XKR4: variants seen among roughly 807,000 people sequenced by gnomAD.
XKR4 encodes the protein XK related 4, also known as XK-related protein 4.
In XKR4, 12 loss-of-function variants were observed where a neutral mutation model predicts 53.9. That is an observed-to-expected ratio of 0.22 (90% CI 0.14 to 0.36). The LOEUF is 0.36. Ranked by LOEUF, XKR4 falls within the 10% of genes least tolerant of loss-of-function variation. The pLI is 1.00. For missense variants in XKR4, 799 were observed against 859.5 expected, an observed-to-expected ratio of 0.93 and a Z score of 0.88; for synonymous variants, 354 against 362.4, an observed-to-expected ratio of 0.98 and a Z score of 0.26.
intron 1 of XKR4, among the ~76,000 whole-genome samples, chr8:55,341,432 T>C (rs1379978171): frequency 6.6e-6 from 1 of 152,146 alleles, no homozygotes; most frequent in Admixed American, 6.5e-5. Context: ...CCTCAGGATG[T>C]ACCAGAGTGT....
At chr8:55,438,851 C>G (rs1049859347) in intron 2 of XKR4, among the ~76,000 whole-genome samples, 1 of 152,098 alleles carries the variant, frequency 6.6e-6, no homozygotes, top group Non-Finnish European at 1.5e-5. Flanking sequence ...TCTGGAGCAA[C>G]AAGTATGATG....
intron 1 of XKR4, among the ~76,000 whole-genome samples, chr8:55,265,395 C>G (rs1349838540): frequency 2.0e-5 from 3 of 152,210 alleles, no homozygotes; most frequent in African/African-American, 7.2e-5. Context: ...GTTAAGATCC[C>G]CATGTGGCTC....
chr8:55,511,947 G>A (rs1806631621), intron 2 of XKR4, among the ~76,000 whole-genome samples: 2 of 152,122 alleles, frequency 1.3e-5, no homozygotes, highest in Non-Finnish European at 2.9e-5. Flanking sequence ...GCTCCAGAGG[G>A]GGAGTGGAGT....
chr8:55,518,640 G>A (rs1048201069), intron 2 of XKR4, among the ~76,000 whole-genome samples: 3 of 152,142 alleles, frequency 2.0e-5, no homozygotes, highest in Admixed American at 6.5e-5. Context: ...GTATTTCATC[G>A]TAGGCCCGTG....
At chr8:55,207,005 C>A (rs1015013266) in intron 1 of XKR4, among the ~76,000 whole-genome samples, 1 of 152,228 alleles carries the variant, frequency 6.6e-6, no homozygotes, top group African/African-American at 2.4e-5. Flanking sequence ...CCAGCTGAGT[C>A]CTGTGATCCA....
At chr8:55,408,647 T>C (rs915786947) in intron 2 of XKR4, among the ~76,000 whole-genome samples, 4 of 152,192 alleles carry the variant, frequency 2.6e-5, no homozygotes, top group East Asian at 1.9e-4. Context: ...GTGGCAAAGA[T>C]TGGCAACCAG....
intron 1 of XKR4, among the ~76,000 whole-genome samples, chr8:55,222,345 C>T (rs1585948922): frequency 1.3e-5 from 2 of 152,196 alleles, no homozygotes; most frequent in African/African-American, 2.4e-5. Flanking sequence ...AAAACACTGG[C>T]CACAGCTCAC....
At chr8:55,506,173 A>G (rs1157783452) in intron 2 of XKR4, among the ~76,000 whole-genome samples, 1 of 152,232 alleles carries the variant, frequency 6.6e-6, no homozygotes, top group Non-Finnish European at 1.5e-5. Context: ...CCACGAATGC[A>G]TGAAATGCAA....
At chr8:55,451,082 C>G in intron 2 of XKR4, 1 of 518,152 alleles carries the variant, frequency 1.9e-6, no homozygotes, top group Middle Eastern at 3.9e-4. Flanking sequence ...AGGGGTCCGG[C>G]CGCACATTCT....
rs368301999 is a variant in XKR4 at position 55,507,618 on chromosome 8, G to A, written c.1007-15663G>A. Among the ~76,000 whole-genome samples, 361 of 152,174 alleles carry A rather than the reference G, an allele frequency of 2.4e-3. 4 individuals carry two copies. Among genetic ancestry groups the A allele is most frequent in the African/African-American group, 7.6e-3 (315 of 41,506 alleles). Reference sequence around the variant, plus strand: ...GTGGTATTTGGTTTTTTGTCCTTGCGATAGTTTGCTGAGAATGATGGTTTC... The same window carrying A: ...GTGGTATTTGGTTTTTTGTCCTTGCAATAGTTTGCTGAGAATGATGGTTTC... On this transcript the variant is annotated intron_variant, in intron 2 of 2. Transcript: ENST00000327381.
Position 55,493,776 on chromosome 8 carries a change from A to C in XKR4, c.1007-29505A>C, listed in dbSNP as rs1806303894. Reference sequence around the variant, plus strand: ...GTAAAGATGACTGTGCCCTTTACCCAATAGTGCTACCCATCCACACAGTTC... The same window carrying C: ...GTAAAGATGACTGTGCCCTTTACCCCATAGTGCTACCCATCCACACAGTTC... On this transcript the variant is annotated intron_variant, in intron 2 of 2. Coordinates refer to ENST00000327381, the MANE Select transcript of XKR4 (RefSeq NM_052898.2). 2.0e-5 allele frequency among the ~76,000 whole-genome samples: 3 copies of C among 152,232 alleles called. No homozygotes were observed. The South Asian group carries it at 6.2e-4, about 31-fold the overall frequency.
At chr8:55,475,970 T>C (rs1805978228) in intron 2 of XKR4, among the ~76,000 whole-genome samples, 1 of 152,022 alleles carries the variant, frequency 6.6e-6, no homozygotes, top group Non-Finnish European at 1.5e-5. Flanking sequence ...GGTCTTGAAC[T>C]CCTTGGCTCA....
chr8:55,168,092 T>C (rs1000236296), intron 1 of XKR4, among the ~76,000 whole-genome samples: 1 of 152,186 alleles, frequency 6.6e-6, no homozygotes, highest in African/African-American at 2.4e-5. Flanking sequence ...TCTTTAAAAA[T>C]AATAATCATT....
intron 1 of XKR4, chr8:55,272,932 T>C (rs1433434696): frequency 4.4e-6 from 2 of 453,330 alleles, no homozygotes; most frequent in South Asian, 3.1e-5. Context: ...TATAAACTTC[T>C]CGGATAAACA....
rs1024525884 is a variant in XKR4 at position 55,188,428 on chromosome 8, T to C, written c.806+85134T>C. On this transcript the variant is annotated intron_variant, in intron 1 of 2. Coordinates refer to ENST00000327381, the MANE Select transcript of XKR4 (RefSeq NM_052898.2). ...AGGTCTTATAATAATCCACAATTTG[T>C]CCAAAGTAATCCTTAGTCATTAAAA... is the stretch of plus-strand genomic sequence containing the variant. 9.2e-5 allele frequency among the ~76,000 whole-genome samples: 14 copies of C among 152,296 alleles called. 1 individual carries two copies. The highest frequency in any genetic ancestry group is 8.5e-4 in the Admixed American group (13 of 15,280).
intron 2 of XKR4, among the ~76,000 whole-genome samples, chr8:55,511,742 C>T (rs1040574420): frequency 1.3e-5 from 2 of 152,118 alleles, no homozygotes; most frequent in African/African-American, 4.8e-5. Context: ...AAATAATGGC[C>T]AGTATTTTTC....
chr8:55,309,096 A>G (rs976031839), intron 1 of XKR4, among the ~76,000 whole-genome samples: 6 of 152,238 alleles, frequency 3.9e-5, no homozygotes, highest in African/African-American at 1.2e-4. Flanking sequence ...GCCTCCAGGA[A>G]GAAACACAGC....
chr8:55,126,740 T>G (rs1233725889), intron 1 of XKR4, among the ~76,000 whole-genome samples: 1 of 152,228 alleles, frequency 6.6e-6, no homozygotes, highest in Non-Finnish European at 1.5e-5. Context: ...GTCTCCCTAC[T>G]GGAATCCCAT....
chr8:55,256,430 A>G (rs981670397), intron 1 of XKR4, among the ~76,000 whole-genome samples: 1 of 152,242 alleles, frequency 6.6e-6, no homozygotes, highest in Non-Finnish European at 1.5e-5. Flanking sequence ...TGCATTTGCA[A>G]TTAGTCCAGG....
Sources: gnomAD v4.1 joint callset for allele counts (sites outside exome capture counted in the v4.1 genomes callset) on GRCh38, gnomAD v4.1.1 for gene constraint, MANE v1.5 for transcripts, NCBI Gene and HGNC (gene_info 2026-07-23, HGNC 2026-07-21) for gene names.